Variants in WWTR1 observed in about 807,000 individuals in gnomAD.
The protein encoded by WWTR1 is WW domain containing transcription regulator 1.
WWTR1 carries 13 observed loss-of-function variants against 40.1 expected under a neutral mutation model. The ratio of observed to expected loss-of-function variants is 0.32; its 90% CI spans 0.21 to 0.52. WWTR1 has a LOEUF of 0.52. Among genes scored for constraint, WWTR1 ranks in the 20% least tolerant of loss-of-function variants. The pLI is 0.97. For synonymous variants in WWTR1, 230 were observed against 210.1 expected (o/e 1.09, Z -0.82); for missense variants, 436 against 523.1 (o/e 0.83, Z 1.63).
At chr3:149,601,503 G>T (rs1378676724) in intron 2 of WWTR1, among the ~76,000 whole-genome samples, 1 of 152,082 alleles carries the variant, frequency 6.6e-6, no homozygotes, top group East Asian at 1.9e-4. Context: ...CAGCCAAGTG[G>T]ATGCATATTT....
At chr3:149,674,056 C>CAAAAAAAAAAAAAAAAAAAAAAAAA (rs71138404) in intron 1 of WWTR1, among the ~76,000 whole-genome samples, 1 of 121,866 alleles carries the variant, frequency 8.2e-6, no homozygotes, top group Non-Finnish European at 1.7e-5. Flanking sequence ...CTCGTCTCTA[C>CAAAAAAAAAAAAAAAAAAAAAAAAA]AAAAAAAAAA....
intron 3 of WWTR1, among the ~76,000 whole-genome samples, chr3:149,548,268 A>G (rs1736459798): frequency 6.6e-6 from 1 of 152,216 alleles, no homozygotes; most frequent in Non-Finnish European, 1.5e-5. Context: ...GCCTTTTGCA[A>G]CACCAGGAAA....
At chr3:149,686,758 A>G (rs1010546218) in intron 1 of WWTR1, among the ~76,000 whole-genome samples, 3 of 152,188 alleles carry the variant, frequency 2.0e-5, no homozygotes. Context: ...AGCAGGCACT[A>G]AAAAGAGGCT....
chr3:149,699,463 T>C (rs948837760), intron 1 of WWTR1, among the ~76,000 whole-genome samples: 2 of 152,060 alleles, frequency 1.3e-5, no homozygotes, highest in Non-Finnish European at 2.9e-5. Flanking sequence ...CCGGCTAATT[T>C]TGTATTTTTA....
intron 4 of WWTR1, among the ~76,000 whole-genome samples, chr3:149,532,948 G>A (rs952337144): frequency 1.3e-5 from 2 of 152,238 alleles, no homozygotes; most frequent in African/African-American, 4.8e-5. Flanking sequence ...CTGGCTGAGG[G>A]CATAACTCAA....
intron 4 of WWTR1, among the ~76,000 whole-genome samples, chr3:149,528,811 T>C (rs970370803): frequency 2.0e-5 from 3 of 152,160 alleles, no homozygotes; most frequent in Non-Finnish European, 2.9e-5. Flanking sequence ...TTTGACTACT[T>C]TGTTGACTAA....
At chr3:149,558,250 ACT>A (rs1736927054) in intron 3 of WWTR1, among the ~76,000 whole-genome samples, 1 of 151,978 alleles carries the variant, frequency 6.6e-6, no homozygotes, top group African/African-American at 2.4e-5. Flanking sequence ...ACTGCTTGTG[ACT>A]CTAATAAACA....
chr3:149,562,036 C>T (rs1037766547), intron 3 of WWTR1, among the ~76,000 whole-genome samples: 3 of 152,124 alleles, frequency 2.0e-5, no homozygotes, highest in Admixed American at 1.3e-4. Flanking sequence ...TTGCTTACAC[C>T]TGTAATCCCA....
chr3:149,572,774 G>C, intron 3 of WWTR1, 90 bp downstream of exon 3: 1 of 1,473,092 alleles, frequency 6.8e-7, no homozygotes, highest in South Asian at 1.3e-5. Context: ...TTGAGCCCAC[G>C]AGTTCAACAC....
At chr3:149,597,775 C>A (rs1739065880) in intron 2 of WWTR1, among the ~76,000 whole-genome samples, 1 of 152,182 alleles carries the variant, frequency 6.6e-6, no homozygotes, top group Admixed American at 6.5e-5. Context: ...AGGAGTCCAA[C>A]CTTGGACACA....
intron 1 of WWTR1, among the ~76,000 whole-genome samples, chr3:149,680,927 C>T (rs957874874): frequency 6.6e-6 from 1 of 152,162 alleles, no homozygotes; most frequent in Non-Finnish European, 1.5e-5. Context: ...CAGTTACATA[C>T]TTACAAACAT....
intron 4 of WWTR1, among the ~76,000 whole-genome samples, chr3:149,721,873 T>C (rs1188088455): frequency 3.3e-5 from 5 of 152,178 alleles, no homozygotes; most frequent in African/African-American, 9.7e-5. Context: ...TTTTATTTCA[T>C]GGGATATTTT....
At chr3:149,703,485 T>C (rs1219305668), upstream of WWTR1, among the ~76,000 whole-genome samples, 4 of 152,252 alleles carry the variant, frequency 2.6e-5, no homozygotes, top group African/African-American at 9.6e-5. Flanking sequence ...TTACTTTATC[T>C]TAGATTTCTT....
chr3:149,657,382 G>A, intron 1 of WWTR1, 73 bp from the exon 2 acceptor site: 2 of 1,458,196 alleles, frequency 1.4e-6, no homozygotes, highest in Non-Finnish European at 1.8e-6. Flanking sequence ...CAGGGTGAGA[G>A]GGCGAGATGG....
intron 2 of WWTR1, among the ~76,000 whole-genome samples, chr3:149,574,987 G>A (rs1056734992): frequency 6.6e-6 from 1 of 151,852 alleles, no homozygotes; most frequent in Non-Finnish European, 1.5e-5. Flanking sequence ...CCAGCTACTC[G>A]GGAGGCTGAG....
Position 149,573,941 on chromosome 3 carries a change from G to GAC in WWTR1, c.432-942_432-941insGT, listed in dbSNP as rs1553794098. On this transcript the variant is annotated intron_variant, in intron 2 of 6. Transcript: ENST00000360632. Reference sequence around the variant, plus strand: ...AACTCTTCCTTTAGTGAAAGTTTGTGATATATATATATATATGATGAGTAG... The same window carrying GAC: ...AACTCTTCCTTTAGTGAAAGTTTGTGACATATATATATATATATGATGAGTAG... Among the ~76,000 whole-genome samples, 984 of 149,856 alleles carry GAC rather than the reference G, an allele frequency of 6.6e-3. 5 individuals are homozygous for GAC. The highest frequency in any genetic ancestry group is 9.4e-3 in the Non-Finnish European group (630 of 67,314).
intron 5 of WWTR1, among the ~76,000 whole-genome samples, chr3:149,713,746 A>G (rs1397467967): frequency 6.6e-6 from 1 of 152,236 alleles, no homozygotes; most frequent in East Asian, 1.9e-4. Flanking sequence ...TCACAGTGAT[A>G]GCAGCAGCAG....
At chr3:149,563,435 G>T (rs1737175388) in intron 3 of WWTR1, among the ~76,000 whole-genome samples, 1 of 152,280 alleles carries the variant, frequency 6.6e-6, no homozygotes, top group South Asian at 2.1e-4. Flanking sequence ...CAAGAATCTG[G>T]ATCCCAAGCT....
At chr3:149,553,008 C>T (rs1355202176) in intron 3 of WWTR1, among the ~76,000 whole-genome samples, 1 of 152,186 alleles carries the variant, frequency 6.6e-6, no homozygotes, top group African/African-American at 2.4e-5. Flanking sequence ...TTGAACAGGG[C>T]CCAGCTTTTG....
Sources: gnomAD v4.1 joint callset for allele counts (sites outside exome capture counted in the v4.1 genomes callset) on GRCh38, gnomAD v4.1.1 for gene constraint, MANE v1.5 for transcripts, NCBI Gene and HGNC (gene_info 2026-07-23, HGNC 2026-07-21) for gene names.